The following DCDC1 variants were observed in gnomAD, a reference collection of about 807,000 sequenced individuals.
The protein encoded by DCDC1 is doublecortin domain containing 1.
A neutral mutation model predicts 178.3 loss-of-function variants in DCDC1; 200 were observed. The observed-to-expected ratio is 1.12, with a 90% CI of 1.00 to 1.26. DCDC1 has a LOEUF of 1.26. Among genes scored for constraint, DCDC1 ranks in the 50% most tolerant of loss-of-function variants. The pLI, the probability that DCDC1 is intolerant of heterozygous loss-of-function variation, is 0.00. For synonymous variants in DCDC1, 690 were observed against 604.8 expected, an observed-to-expected ratio of 1.14 and a Z score of -2.07; for missense variants, 1,983 against 1,749.2, an observed-to-expected ratio of 1.13 and a Z score of -2.38.
intron 18 of DCDC1, 70 bp downstream of exon 18, chr11:31,077,795 T>A: frequency 1.4e-6 from 1 of 737,756 alleles, no homozygotes; most frequent in Non-Finnish European, 2.5e-6. Context: ...AAACAATAGA[T>A]AGTACCCTTT....
chr11:31,359,478 A>T (rs537243455), intron 1 of DCDC1, among the ~76,000 whole-genome samples: 1 of 152,034 alleles, frequency 6.6e-6, no homozygotes, highest in South Asian at 2.1e-4. Flanking sequence ...AGATATACCT[A>T]ATGCTAGATG....
At chr11:31,012,317 G>T (rs1408489923) in intron 20 of DCDC1, among the ~76,000 whole-genome samples, 1 of 152,124 alleles carries the variant, frequency 6.6e-6, no homozygotes, top group Non-Finnish European at 1.5e-5. Context: ...CTGAAAATAG[G>T]CTGGGTGCAG....
chr11:31,056,533 T>A (rs974725782), intron 20 of DCDC1, among the ~76,000 whole-genome samples: 10 of 152,106 alleles, frequency 6.6e-5, no homozygotes, highest in Non-Finnish European at 1.3e-4. Flanking sequence ...CTGGGACCAC[T>A]ATATTTAATA....
At position 30,870,547 on chromosome 11, in the gene DCDC1, C is replaced by T. The variant is rs181845260; in HGVS notation, c.*41-5215G>A. Among the ~76,000 whole-genome samples, 9 of 152,156 alleles carry T rather than the reference C, an allele frequency of 5.9e-5. No individual in the cohort carries two copies. In the East Asian group the frequency reaches 1.2e-3, roughly 20 times the overall value. On this transcript the variant is annotated intron_variant, in intron 38 of 38. Coordinates refer to ENST00000684477, the MANE Select transcript of DCDC1 (RefSeq NM_001387274.1). Reference sequence around the variant, plus strand: ...ATCCTATCAAAATGACTACATTAAACGAGAGGCAAGGAAAGGTCTGACAAA... The same window carrying T: ...ATCCTATCAAAATGACTACATTAAATGAGAGGCAAGGAAAGGTCTGACAAA...
At chr11:31,284,519 T>C (rs1247587096) in intron 7 of DCDC1, among the ~76,000 whole-genome samples, 1 of 152,176 alleles carries the variant, frequency 6.6e-6, no homozygotes, top group Non-Finnish European at 1.5e-5. Flanking sequence ...GTAACCATTA[T>C]TGTTATATGT....
intron 1 of DCDC1, among the ~76,000 whole-genome samples, chr11:31,349,871 C>A (rs994338127): frequency 2.6e-5 from 4 of 152,118 alleles, no homozygotes; most frequent in African/African-American, 9.7e-5. Context: ...GCTGGGTTCA[C>A]TGAATGAGCG....
chr11:30,927,089 G>C (rs866233058), intron 22 of DCDC1, among the ~76,000 whole-genome samples: 1 of 152,140 alleles, frequency 6.6e-6, no homozygotes, highest in South Asian at 2.1e-4. Flanking sequence ...AGAAGCTATG[G>C]TCATGTGCTT....
At chr11:30,971,661 G>A (rs1157829140) in intron 20 of DCDC1, among the ~76,000 whole-genome samples, 3 of 138,508 alleles carry the variant, frequency 2.2e-5, no homozygotes, top group African/African-American at 8.2e-5. Flanking sequence ...CCAGGCTGGA[G>A]TGCAGTGGCG....
intron 9 of DCDC1, among the ~76,000 whole-genome samples, chr11:31,238,119 TA>T (rs1976671992): frequency 6.6e-6 from 1 of 152,116 alleles, no homozygotes; most frequent in Non-Finnish European, 1.5e-5. Flanking sequence ...TATGCATTCT[TA>T]TGTAAAAGTC....
intron 5 of DCDC1, 40 bp downstream of exon 5, chr11:31,306,192 A>G (rs762317072): frequency 2.1e-5 from 29 of 1,413,450 alleles, no homozygotes; most frequent in East Asian, 7.8e-5. Context: ...AGAGTAAGGG[A>G]AAAAAAATAA....
intron 1 of DCDC1, among the ~76,000 whole-genome samples, chr11:31,354,295 A>C (rs1005789719): frequency 6.6e-6 from 1 of 152,196 alleles, no homozygotes; most frequent in East Asian, 1.9e-4. Flanking sequence ...AAAAACAAAC[A>C]AACCAAAAAA....
intron 9 of DCDC1, among the ~76,000 whole-genome samples, chr11:31,138,853 T>C (rs1963479885): frequency 6.6e-6 from 1 of 152,160 alleles, no homozygotes; most frequent in Admixed American, 6.5e-5. Context: ...AATAATAGTA[T>C]TAAACCTGTA....
intron 7 of DCDC1, among the ~76,000 whole-genome samples, chr11:31,267,576 G>A (rs1945256248): frequency 6.6e-6 from 1 of 152,138 alleles, no homozygotes; most frequent in Non-Finnish European, 1.5e-5. Flanking sequence ...AAAAGTACTT[G>A]CAAAGAATGT....
chr11:31,369,570 G>A (rs1952165612), intron 1 of DCDC1, 127 bp downstream of exon 1: 1 of 152,774 alleles, frequency 6.5e-6, no homozygotes, highest in Admixed American at 6.5e-5. Context: ...TGAAAAAGGC[G>A]GGGAAAGCCT....
At chr11:31,286,927 A>T (rs1315399708) in intron 7 of DCDC1, among the ~76,000 whole-genome samples, 2 of 152,062 alleles carry the variant, frequency 1.3e-5, no homozygotes, top group Non-Finnish European at 1.5e-5. Context: ...CCCCTTCTCC[A>T]CTTGGCTAGT....
chr11:31,189,111 T>C lies in DCDC1; in HGVS notation c.1222-51327A>G, dbSNP rs1043648041. Among the ~76,000 whole-genome samples, 8 of 152,280 alleles carry C rather than the reference T, an allele frequency of 5.3e-5. 1 individual carries two copies. In the South Asian group the frequency reaches 1.7e-3, roughly 32 times the overall value. On this transcript the variant is annotated intron_variant, in intron 9 of 38. Coordinates refer to ENST00000684477, the MANE Select transcript of DCDC1 (RefSeq NM_001387274.1). ...CAAAACTATAAGTAATAAATTTTCG[T>C]TGTTTATAAATTACTCAGTCTAAGG...
At chr11:31,005,396 G>A (rs1951782003) in intron 20 of DCDC1, among the ~76,000 whole-genome samples, 1 of 151,852 alleles carries the variant, frequency 6.6e-6, no homozygotes, top group Admixed American at 6.6e-5. Flanking sequence ...TGGGGCCCAG[G>A]GCACAGCTGC....
At chr11:31,006,672 C>T (rs545297754) in intron 20 of DCDC1, among the ~76,000 whole-genome samples, 1 of 152,266 alleles carries the variant, frequency 6.6e-6, no homozygotes, top group Non-Finnish European at 1.5e-5. Context: ...ATGTAATTGA[C>T]AATACTTTGT....
intron 6 of DCDC1, among the ~76,000 whole-genome samples, chr11:31,296,984 A>G (rs1215992247): frequency 6.6e-6 from 1 of 152,230 alleles, no homozygotes; most frequent in African/African-American, 2.4e-5. Context: ...TCAACCAGGG[A>G]ACCCTCCTAT....
Sources: gnomAD v4.1 joint callset for allele counts (sites outside exome capture counted in the v4.1 genomes callset) on GRCh38, gnomAD v4.1.1 for gene constraint, MANE v1.5 for transcripts, NCBI Gene and HGNC (gene_info 2026-07-23, HGNC 2026-07-21) for gene names.